Variants in NLRP9 observed in about 807,000 individuals in gnomAD.
NLRP9 encodes NLR family pyrin domain containing 9.
In NLRP9, 88 loss-of-function variants were observed where a neutral mutation model predicts 83.1. The ratio of observed to expected loss-of-function variants is 1.06; its 90% CI spans 0.89 to 1.26. The LOEUF is 1.26. Among genes scored for constraint, NLRP9 ranks in the 50% most tolerant of loss-of-function variants. The pLI, the probability that NLRP9 is intolerant of heterozygous loss-of-function variation, is 0.00. For synonymous variants in NLRP9, 521 were observed against 447.6 expected, an observed-to-expected ratio of 1.16 and a Z score of -2.07; for missense variants, 1,308 against 1,179.3, an observed-to-expected ratio of 1.11 and a Z score of -1.60.
At position 55,734,639 on chromosome 19, in the gene NLRP9, T is replaced by TA. The variant is rs1568605307; in HGVS notation, c.281-1090_281-1089insT. On this transcript the variant is annotated intron_variant, in intron 1 of 8. Transcript: ENST00000332836. ...CACACACATATATATATATATATAT[T>TA]TTTTTTTTTTTTGAGATGAACTCTC... Among the ~76,000 whole-genome samples, 226 of 42,448 alleles carry TA rather than the reference T, an allele frequency of 5.3e-3. 2 individuals carry two copies. The highest frequency in any genetic ancestry group is 0.041 in the South Asian group (40 of 968). The allele number at this position is 42,448 out of a possible 152,430, so 27.8% of individuals were successfully genotyped here. A position where few individuals can be genotyped will look rare whatever the true frequency, so the allele number is the denominator to read the frequency against.
At chr19:55,735,931 G>A (rs541503932) in intron 1 of NLRP9, among the ~76,000 whole-genome samples, 45 of 151,698 alleles carry the variant, frequency 3.0e-4, no homozygotes, top group African/African-American at 9.9e-4. Context: ...TAGGTGATCC[G>A]CCCACCTCAG....
chr19:55,734,370 A>C (rs1988715696), intron 1 of NLRP9, among the ~76,000 whole-genome samples: 1 of 23,652 alleles, frequency 4.2e-5, no homozygotes, highest in Non-Finnish European at 1.0e-4. Flanking sequence ...TCTCAAAAAA[A>C]AAAAAAAAAA....
In NLRP9 at chr19:55,732,605, A is replaced by C; in HGVS notation, c.1226T>G (p.Val409Gly). The C allele has an allele frequency of 6.2e-7, 1 of 1,614,222 alleles. No homozygotes were observed. Among genetic ancestry groups the C allele is most frequent in the Non-Finnish European group, 8.5e-7 (1 of 1,180,040 alleles). The change falls in exon 2 of 9, where the codon GTA becomes GGA. Residue 409 changes from valine (V) to glycine (G), a missense_variant. Val to Gly is a moderately radical substitution (Grantham distance 109, BLOSUM62 -3). Transcript: ENST00000332836. ...CCTCCGGAGATCCCCATGGGAAAAT[A>C]CAAATGTATATGTCCAAATTCCCTC... ...AAEGIWTYTF[V>G]FSHGDLRRNG... is the part of the protein sequence containing the mutation.
At chr19:55,729,044 CTTTTTCTTT>C (rs1222024649) in intron 3 of NLRP9, among the ~76,000 whole-genome samples, 1 of 98,234 alleles carries the variant, frequency 1.0e-5, no homozygotes, top group African/African-American at 4.3e-5. Flanking sequence ...TCTTATTTTT[CTTTTTCTTT>C]TTTTTTTTTT....
intron 5 of NLRP9, among the ~76,000 whole-genome samples, chr19:55,715,620 G>A (rs1221967473): frequency 1.3e-5 from 2 of 152,294 alleles, no homozygotes; most frequent in East Asian, 1.9e-4. Flanking sequence ...GGAGGCGGAG[G>A]TTGCTGTGAG....
At chr19:55,716,119 T>C (rs112640991) in intron 5 of NLRP9, among the ~76,000 whole-genome samples, 3,138 of 152,288 alleles carry the variant, frequency 0.021, 43 homozygotes, top group Non-Finnish European at 0.032. Flanking sequence ...GAGAGTTGAT[T>C]TTAAATGTTC....
intron 5 of NLRP9, among the ~76,000 whole-genome samples, chr19:55,716,207 C>A (rs1988002709): frequency 6.6e-6 from 1 of 150,808 alleles, no homozygotes; most frequent in Non-Finnish European, 1.5e-5. Flanking sequence ...TATATCAGAA[C>A]ATCACACTGT....
intron 4 of NLRP9, among the ~76,000 whole-genome samples, chr19:55,723,659 C>T (rs1193979113): frequency 6.9e-6 from 1 of 145,136 alleles, no homozygotes; most frequent in Non-Finnish European, 1.5e-5. Flanking sequence ...ACCCGGGAAG[C>T]TGAGGTTGCA....
At chr19:55,725,479 G>A (rs1341392015) in intron 3 of NLRP9, among the ~76,000 whole-genome samples, 1 of 152,154 alleles carries the variant, frequency 6.6e-6, no homozygotes, top group East Asian at 1.9e-4. Context: ...TCAAAAACTA[G>A]AATGGAAATT....
intron 3 of NLRP9, 105 bp from the exon 4 acceptor site, chr19:55,724,249 A>C: frequency 1.4e-6 from 1 of 708,298 alleles, no homozygotes; most frequent in Non-Finnish European, 2.2e-6. Context: ...GCCTCACCAC[A>C]CTGTTTCTGG....
intron 7 of NLRP9, 136 bp downstream of exon 7, chr19:55,712,284 G>T: frequency 1.3e-6 from 1 of 754,908 alleles, no homozygotes; most frequent in Non-Finnish European, 2.1e-6. Flanking sequence ...AAACCCTGGG[G>T]CAGCATTTTA....
intron 2 of NLRP9, 52 bp downstream of exon 2, chr19:55,731,947 G>C (rs771170785): frequency 6.3e-5 from 77 of 1,218,612 alleles, no homozygotes; most frequent in Non-Finnish European, 8.3e-5. Context: ...CAGGCCACTA[G>C]AGCAAACTCC....
chr19:55,712,653 A>G (rs1987785256), intron 6 of NLRP9, 63 bp from the exon 7 acceptor site: 1 of 1,385,128 alleles, frequency 7.2e-7, no homozygotes. Flanking sequence ...AGCCCACCTT[A>G]TTTTCATTTA....
chr19:55,724,838 A>C (rs542033171), intron 3 of NLRP9, among the ~76,000 whole-genome samples: 8 of 152,314 alleles, frequency 5.3e-5, no homozygotes, highest in Non-Finnish European at 1.0e-4. Context: ...CAGGCAGATC[A>C]CATGAGGTCA....
chr19:55,729,584 C>T (rs1158073951), intron 3 of NLRP9, among the ~76,000 whole-genome samples: 1 of 151,970 alleles, frequency 6.6e-6, no homozygotes, highest in Non-Finnish European at 1.5e-5. Context: ...TTTATGGCTG[C>T]ATAGTATTCC....
At chr19:55,718,348 G>A (rs747323397) in intron 4 of NLRP9, among the ~76,000 whole-genome samples, 37 of 152,280 alleles carry the variant, frequency 2.4e-4, no homozygotes, top group East Asian at 1.2e-3. Context: ...GTGAAAGAGG[G>A]AGGCCTCTTT....
At chr19:55,737,977 C>T in intron 1 of NLRP9, 118 bp downstream of exon 1, 2 of 987,902 alleles carry the variant, frequency 2.0e-6, no homozygotes, top group Non-Finnish European at 3.1e-6. Context: ...ACCTTCAACT[C>T]TCACCTTGAC....
At chr19:55,716,973 GAC>G (rs1032902042) in intron 4 of NLRP9, 75 bp from the exon 5 acceptor site, 47 of 1,144,774 alleles carry the variant, frequency 4.1e-5, no homozygotes, top group Admixed American at 2.2e-4. Flanking sequence ...CAGACCAAAC[GAC>G]ACCTCTGATT....
chr19:55,711,570 C>T (rs929580517), intron 8 of NLRP9: 2 of 1,008,974 alleles, frequency 2.0e-6, no homozygotes, highest in Non-Finnish European at 2.9e-6. Flanking sequence ...TTGATTGTCA[C>T]AACTGAGGGA....
Sources: gnomAD v4.1 joint callset for allele counts (sites outside exome capture counted in the v4.1 genomes callset) on GRCh38, gnomAD v4.1.1 for gene constraint, MANE v1.5 for transcripts, NCBI Gene and HGNC (gene_info 2026-07-23, HGNC 2026-07-21) for gene names.